PSMC3IP: variants seen among roughly 807,000 people sequenced by gnomAD.
The protein encoded by PSMC3IP is PSMC3 interacting protein.
Under a neutral mutation model 34.9 loss-of-function variants are expected in PSMC3IP, and 26 were observed. The ratio of observed to expected loss-of-function variants is 0.74; its 90% CI spans 0.55 to 1.03. The LOEUF (loss-of-function observed/expected upper bound fraction) is 1.03, where lower values mean the gene tolerates loss of function less well. Ranked by LOEUF, PSMC3IP falls within the 50% of genes least tolerant of loss-of-function variation. The pLI is 0.00. For synonymous variants in PSMC3IP, 87 were observed against 96.5 expected, an observed-to-expected ratio of 0.90 and a Z score of 0.57; for missense variants, 250 against 263.1, an observed-to-expected ratio of 0.95 and a Z score of 0.34.
At chr17:42,574,393 A>G in intron 3 of PSMC3IP, 183 bp from the exon 4 acceptor site, 1 of 1,397,922 alleles carries the variant, frequency 7.2e-7, no homozygotes, top group Non-Finnish European at 9.4e-7. Flanking sequence ...GAGCGGCCCC[A>G]CTAAAAAGGT....
intron 1 of PSMC3IP, 23 bp downstream of exon 1, chr17:42,577,629 TC>T: frequency 6.2e-7 from 1 of 1,614,116 alleles, no homozygotes; most frequent in Non-Finnish European, 8.5e-7. Flanking sequence ...TCCCGGGTCT[TC>T]CCCGCGCCCA....
intron 3 of PSMC3IP, among the ~76,000 whole-genome samples, chr17:42,574,985 C>T (rs1208552652): frequency 1.3e-5 from 2 of 152,144 alleles, no homozygotes; most frequent in East Asian, 1.9e-4. Flanking sequence ...AACTCCTGGG[C>T]TCAAGTGATC....
In PSMC3IP at chr17:42,577,308, A is replaced by G. The variant is rs111290301; in HGVS notation, c.136-6T>C. 1 of 1,613,892 alleles carries G rather than the reference A, an allele frequency of 6.2e-7. No individual in the cohort carries two copies. The highest frequency in any genetic ancestry group is 2.2e-5 in the East Asian group (1 of 44,874). ...TCCAGCGTCTTCACCACCACCTGGC[A>G]GAGGAGAGAGAAGGAGCAATCAGAG... On this transcript the variant is annotated splice_polypyrimidine_tract_variant and splice_region_variant and intron_variant, in intron 2 of 7. Coordinates refer to ENST00000393795, the MANE Select transcript of PSMC3IP (RefSeq NM_016556.4).
In PSMC3IP at chr17:42,574,116, CAGCTCTGCTGCA is replaced by C. The variant is rs1235069700; in HGVS notation, c.308_319del (p.Leu103_Ser106del). ...AGTCCTACCAGCCTCCATGTAGCGG[CAGCTCTGCTGCA>C]AGCTCTGCACCTTAGCAGTGAGGGC... On this transcript the variant is annotated inframe_deletion, in exon 4 of 8. Coordinates refer to ENST00000393795, the MANE Select transcript of PSMC3IP (RefSeq NM_016556.4). 4 of 1,614,190 alleles carry C rather than the reference CAGCTCTGCTGCA, an allele frequency of 2.5e-6. No individual in the cohort carries two copies. The South Asian group carries it at 3.3e-5, about 13-fold the overall frequency.
At position 42,572,367 on chromosome 17, in the gene PSMC3IP, A is replaced by G. The variant is rs549757074; in HGVS notation, c.*601T>C. On this transcript the variant is annotated 3_prime_UTR_variant, in exon 8 of 8. Transcript: ENST00000393795. ...CCAATGCAGTTTTGCTACGGTTACA[A>G]TTTTGAAATATTAACTGAGCCTCAA... is the stretch of plus-strand genomic sequence containing the variant. The G allele has an allele frequency of 7.7e-5, 35 of 454,584 alleles. No individual in the cohort carries two copies. The East Asian group carries it at 2.3e-3, about 30-fold the overall frequency. The allele number at this position is 454,584 out of a possible 1,614,324, so 28.2% of individuals were successfully genotyped here. A position where few individuals can be genotyped will look rare whatever the true frequency, so the allele number is the denominator to read the frequency against.
At chr17:42,577,786 G>A, upstream of PSMC3IP, 2 of 1,430,024 alleles carry the variant, frequency 1.4e-6, no homozygotes, top group Non-Finnish European at 2.0e-6. Flanking sequence ...GTGATTGGCT[G>A]AAGGGGAAGC....
At chr17:42,576,879 T>C (rs1567915407) in intron 3 of PSMC3IP, 4 of 373,256 alleles carry the variant, frequency 1.1e-5, no homozygotes, top group Non-Finnish European at 2.0e-5. Flanking sequence ...GAATATAAAT[T>C]TGATATGTGT....
Position 42,577,461 on chromosome 17 carries a change from C to T in PSMC3IP, c.135G>A (p.Ala45=), listed in dbSNP as rs1164882719. 7 of 1,613,902 alleles carry T rather than the reference C, an allele frequency of 4.3e-6. No homozygotes were observed. Among genetic ancestry groups the T allele is most frequent in the South Asian group, 1.1e-5 (1 of 91,088 alleles). ...GGGAATCCCGGGAGAAGGTCCTCACCGCCTTGCCCAGTCCGTGTTCCCGCT... is the reference window on the plus strand; with the variant it reads ...GGGAATCCCGGGAGAAGGTCCTCACTGCCTTGCCCAGTCCGTGTTCCCGCT... ...NLQREHGLGK[A]VVVKTLEQLA... The change falls in exon 2 of 8, where the codon GCG becomes GCA. Residue 45 remains alanine, a splice_region_variant and synonymous_variant. Coordinates refer to ENST00000393795, the MANE Select transcript of PSMC3IP (RefSeq NM_016556.4).
At chr17:42,574,567 TAATA>T (rs2093060749) in intron 3 of PSMC3IP, among the ~76,000 whole-genome samples, 1 of 152,194 alleles carries the variant, frequency 6.6e-6, no homozygotes, top group African/African-American at 2.4e-5. Flanking sequence ...TGGGTTTCCA[TAATA>T]GATAGAAACT....
chr17:42,577,168 G>T, intron 3 of PSMC3IP, 45 bp downstream of exon 3: 1 of 1,613,466 alleles, frequency 6.2e-7, no homozygotes. Flanking sequence ...AGATTCACCC[G>T]TTGTCGGGCT....
At chr17:42,573,708 A>C in intron 4 of PSMC3IP, 85 bp from the exon 5 acceptor site, 1 of 1,564,978 alleles carries the variant, frequency 6.4e-7, no homozygotes, top group African/African-American at 1.4e-5. Context: ...GAGGTGTTCC[A>C]CCTTGCTCTG....
At position 42,577,087 on chromosome 17, in the gene PSMC3IP, T is replaced by G; in HGVS notation, c.225+126A>C. 5 of 1,551,294 alleles carry G rather than the reference T, an allele frequency of 3.2e-6. No individual in the cohort carries two copies. The South Asian group carries it at 4.7e-5, about 15-fold the overall frequency. On this transcript the variant is annotated intron_variant, in intron 3 of 7. Coordinates refer to ENST00000393795, the MANE Select transcript of PSMC3IP (RefSeq NM_016556.4). ...AACAAGAGGAGTACACACCTTGATT[T>G]AAGGATGGTGGCCTAAGACAGGTGA... is the stretch of plus-strand genomic sequence containing the variant.
At chr17:42,575,271 G>C (rs1485717063) in intron 3 of PSMC3IP, among the ~76,000 whole-genome samples, 1 of 152,202 alleles carries the variant, frequency 6.6e-6, no homozygotes, top group Admixed American at 6.5e-5. Context: ...GCAAACTATG[G>C]CCAGCAAGCC....
chr17:42,576,147 G>C (rs2093074217), intron 3 of PSMC3IP, among the ~76,000 whole-genome samples: 1 of 152,236 alleles, frequency 6.6e-6, no homozygotes, highest in African/African-American at 2.4e-5. Flanking sequence ...GAAAGAAAGA[G>C]CTGGCCAGGA....
rs937812979 is a variant in PSMC3IP at position 42,575,132 on chromosome 17, C to T, written c.226-922G>A. On this transcript the variant is annotated intron_variant, in intron 3 of 7. Coordinates refer to ENST00000393795, the MANE Select transcript of PSMC3IP (RefSeq NM_016556.4). Reference sequence around the variant, plus strand: ...AGGGGCCATTGCTAGAAAAGAACTGCACTGGGGATCAGTGTGGGGGTGGGG... The same window carrying T: ...AGGGGCCATTGCTAGAAAAGAACTGTACTGGGGATCAGTGTGGGGGTGGGG... Among the ~76,000 whole-genome samples the T allele has an allele frequency of 4.6e-5, 7 of 152,094 alleles. No individual in the cohort carries two copies. The East Asian group carries it at 1.2e-3, about 25-fold the overall frequency.
intron 4 of PSMC3IP, chr17:42,573,846 A>G (rs1281634507): frequency 8.5e-6 from 13 of 1,531,884 alleles, no homozygotes; most frequent in Non-Finnish European, 1.0e-5. Flanking sequence ...CAGTTAAAGA[A>G]GCAGGAATAA....
chr17:42,573,104 T>TA lies in PSMC3IP; in HGVS notation c.597+2dup, dbSNP rs746293030. 1.9e-6 allele frequency: 3 copies of TA among 1,614,240 alleles called. No homozygotes were observed. The highest frequency in any genetic ancestry group is 2.5e-6 in the Non-Finnish European group (3 of 1,180,040). ...AGCAAAGAAGGAAGAGAGCTCCACT[T>TA]ACAAAGAACTGCTTCTTGCTCTTGG... On this transcript the variant is annotated splice_region_variant and intron_variant, in intron 7 of 7. Transcript: ENST00000393795.
Position 42,574,137 on chromosome 17 carries a change from A to C in PSMC3IP, c.299T>G (p.Val100Gly). The stretch of plus-strand genomic sequence containing the variant: ...GCGGCAGCTCTGCTGCAAGCTCTGC[A>C]CCTTAGCAGTGAGGGCCACGATTTT... ...DGKIVALTAK[V>G]QSLQQSCRYM... The change falls in exon 4 of 8, where the codon GTG (valine) becomes GGG (glycine). Residue 100 changes from valine to glycine, a missense_variant. Val to Gly is a moderately radical substitution (Grantham distance 109). Coordinates refer to ENST00000393795, the MANE Select transcript of PSMC3IP (RefSeq NM_016556.4). 6.2e-7 allele frequency: 1 copy of C among 1,614,154 alleles called. No homozygotes were observed. The highest frequency in any genetic ancestry group is 8.5e-7 in the Non-Finnish European group (1 of 1,180,026).
chr17:42,573,548 G>A lies in PSMC3IP; in HGVS notation c.413C>T (p.Ala138Val), dbSNP rs781322349. 1.9e-6 allele frequency: 3 copies of A among 1,614,052 alleles called. No individual in the cohort carries two copies. Among genetic ancestry groups the A allele is most frequent in the East Asian group, 2.2e-5 (1 of 44,898 alleles). ...KEIQELKKEC[A>V]GYRERLKNIK... ...GTTCTTCAATCTCTCTCTGTAGCCA[G>A]CGCATTCCTTCTTTAACTCCTGGAT... The change falls in exon 5 of 8, where the codon GCT (alanine) becomes GTT (valine). Residue 138 changes from alanine to valine, a missense_variant. Transcript: ENST00000393795.
Sources: gnomAD v4.1 joint callset for allele counts (sites outside exome capture counted in the v4.1 genomes callset) on GRCh38, gnomAD v4.1.1 for gene constraint, MANE v1.5 for transcripts, NCBI Gene and HGNC (gene_info 2026-07-23, HGNC 2026-07-21) for gene names.